MAML2: variants seen among roughly 807,000 people sequenced by gnomAD.
MAML2 encodes the protein mastermind-like protein 2.
Under a neutral mutation model 96.1 loss-of-function variants are expected in MAML2, and 22 were observed. That is an observed-to-expected ratio of 0.23 (90% CI 0.16 to 0.33). The LOEUF is 0.33. Among genes scored for constraint, MAML2 ranks in the 10% least tolerant of loss-of-function variants. The pLI is 1.00. For synonymous variants in MAML2, 561 were observed against 521.3 expected (o/e 1.08, Z -1.04); for missense variants, 1,367 against 1,392.4 (o/e 0.98, Z 0.29).
At position 96,230,301 on chromosome 11, in the gene MAML2, T is replaced by G. The variant is rs149231046; in HGVS notation, c.513+111082A>C. ...ATTCATTAATACCTCTTTCAAAGATTTATATGTTTTGCTCATTCAAATATT... is the reference window on the plus strand; with the variant it reads ...ATTCATTAATACCTCTTTCAAAGATGTATATGTTTTGCTCATTCAAATATT... On this transcript the variant is annotated intron_variant, in intron 1 of 4. Coordinates refer to ENST00000524717, the MANE Select transcript of MAML2 (RefSeq NM_032427.4). Among the ~76,000 whole-genome samples, 919 of 152,364 alleles carry G rather than the reference T, an allele frequency of 6.0e-3. 10 individuals are homozygous for G. The highest frequency in any genetic ancestry group is 0.017 in the Middle Eastern group (5 of 294).
intron 2 of MAML2, among the ~76,000 whole-genome samples, chr11:96,071,617 C>T (rs187322612): frequency 1.3e-5 from 2 of 152,302 alleles, no homozygotes; most frequent in African/African-American, 4.8e-5. Flanking sequence ...TGAGAAGGTG[C>T]AGTAGAAAGG....
intron 1 of MAML2, among the ~76,000 whole-genome samples, chr11:96,181,666 T>C (rs1333193968): frequency 6.6e-6 from 1 of 152,168 alleles, no homozygotes; most frequent in Non-Finnish European, 1.5e-5. Flanking sequence ...TGGTCATTAA[T>C]AGTCAACACT....
intron 2 of MAML2, among the ~76,000 whole-genome samples, chr11:96,071,239 A>C (rs1859340388): frequency 6.6e-6 from 1 of 152,292 alleles, no homozygotes; most frequent in Admixed American, 6.5e-5. Context: ...TGGTATAAAC[A>C]GGGTGCTTCA....
chr11:96,171,431 G>A (rs568749923), intron 1 of MAML2, among the ~76,000 whole-genome samples: 10 of 151,996 alleles, frequency 6.6e-5, no homozygotes, highest in South Asian at 2.1e-4. Context: ...TCATTTTTCC[G>A]ACCTTCCCAC....
chr11:96,266,558 G>A (rs1290321104), intron 1 of MAML2, among the ~76,000 whole-genome samples: 6 of 151,108 alleles, frequency 4.0e-5, no homozygotes, highest in Non-Finnish European at 4.4e-5. Context: ...GCAACAGAGT[G>A]AGACTCCGTC....
intron 2 of MAML2, among the ~76,000 whole-genome samples, chr11:96,085,484 A>C (rs1269929438): frequency 6.6e-6 from 1 of 152,228 alleles, no homozygotes; most frequent in African/African-American, 2.4e-5. Flanking sequence ...TCTGATTAGA[A>C]AAGGCAAAAC....
At chr11:96,300,887 T>C (rs1400343315) in intron 1 of MAML2, among the ~76,000 whole-genome samples, 1 of 152,200 alleles carries the variant, frequency 6.6e-6, no homozygotes, top group African/African-American at 2.4e-5. Flanking sequence ...GGATTGGCTA[T>C]TGACTCCGGA....
chr11:96,323,396 C>A (rs532409020), intron 1 of MAML2, among the ~76,000 whole-genome samples: 10 of 151,522 alleles, frequency 6.6e-5, no homozygotes, highest in Non-Finnish European at 1.2e-4. Flanking sequence ...TTTAGAATTT[C>A]CATGTAAGAG....
chr11:96,007,359 A>G (rs896354476), intron 2 of MAML2, among the ~76,000 whole-genome samples: 2 of 152,092 alleles, frequency 1.3e-5, no homozygotes, highest in African/African-American at 4.8e-5. Context: ...GATTTCTAGT[A>G]TATCTTTGGG....
Position 96,027,769 on chromosome 11 carries a change from C to A in MAML2, c.2140-36046G>T, listed in dbSNP as rs188132211. Among the ~76,000 whole-genome samples, 354 of 152,188 alleles carry A rather than the reference C, an allele frequency of 2.3e-3. 3 individuals are homozygous for A. Among genetic ancestry groups the A allele is most frequent in the African/African-American group, 8.1e-3 (335 of 41,516 alleles). On this transcript the variant is annotated intron_variant, in intron 2 of 4. Coordinates refer to ENST00000524717, the MANE Select transcript of MAML2 (RefSeq NM_032427.4). ...CTTTTTGAGACAGTGTCTCATTCTG[C>A]CACTCAGGCTGGAGTGCAGTGGCAT...
chr11:96,119,716 C>T (rs1349471850), intron 1 of MAML2, among the ~76,000 whole-genome samples: 1 of 152,178 alleles, frequency 6.6e-6, no homozygotes, highest in Non-Finnish European at 1.5e-5. Context: ...CTTAGAGCTA[C>T]TGTATTTCCT....
At chr11:96,150,391 G>A (rs1156596869) in intron 1 of MAML2, among the ~76,000 whole-genome samples, 1 of 152,198 alleles carries the variant, frequency 6.6e-6, no homozygotes, top group Admixed American at 6.5e-5. Flanking sequence ...AGCAGGGAGT[G>A]GGTTAGGGTG....
At chr11:96,087,895 A>C (rs965182489) in intron 2 of MAML2, among the ~76,000 whole-genome samples, 1 of 152,186 alleles carries the variant, frequency 6.6e-6, no homozygotes, top group African/African-American at 2.4e-5. Context: ...TTTCCAGCTG[A>C]TACAAGATTT....
In MAML2 at chr11:96,123,303, CT is replaced by C. The variant is rs112366508; in HGVS notation, c.514-29787del. On this transcript the variant is annotated intron_variant, in intron 1 of 4. Transcript: ENST00000524717. ...GGTGTGCTTGAGAGACATTTACAGT[CT>C]TTTTTTTTTTTCACGTATCTGCCTG... is the stretch of plus-strand genomic sequence containing the variant. 3.2e-3 allele frequency among the ~76,000 whole-genome samples: 465 copies of C among 146,986 alleles called. 1 individual carries two copies. The highest frequency in any genetic ancestry group is 3.6e-3 in the Non-Finnish European group (237 of 66,384).
intron 1 of MAML2, among the ~76,000 whole-genome samples, chr11:96,333,901 AT>A (rs1250309108): frequency 2.0e-5 from 3 of 152,172 alleles, no homozygotes; most frequent in Non-Finnish European, 4.4e-5. Flanking sequence ...GATGGTTTAA[AT>A]TTCTCATTTA....
chr11:96,123,447 G>A lies in MAML2; in HGVS notation c.514-29930C>T, dbSNP rs969164627. ...AGCCCAGTAATGCTTGTTGAATAAA[G>A]GGGCTGGCAATTTACCATTTGCCTT... On this transcript the variant is annotated intron_variant, in intron 1 of 4. Coordinates refer to ENST00000524717, the MANE Select transcript of MAML2 (RefSeq NM_032427.4). Among the ~76,000 whole-genome samples the A allele has an allele frequency of 3.3e-5, 5 of 152,180 alleles. No individual in the cohort carries two copies. In the East Asian group the frequency reaches 9.6e-4, roughly 29 times the overall value.
intron 2 of MAML2, among the ~76,000 whole-genome samples, chr11:96,040,262 T>C (rs1332174367): frequency 6.6e-6 from 1 of 152,176 alleles, no homozygotes; most frequent in Non-Finnish European, 1.5e-5. Flanking sequence ...TTATAGTACA[T>C]ATTAGAAGAT....
At chr11:96,102,211 G>A (rs980449648) in intron 1 of MAML2, among the ~76,000 whole-genome samples, 2 of 152,226 alleles carry the variant, frequency 1.3e-5, no homozygotes, top group Non-Finnish European at 2.9e-5. Flanking sequence ...GGGAGGCGGA[G>A]CTTGCAGTGA....
intron 1 of MAML2, among the ~76,000 whole-genome samples, chr11:96,247,679 G>C (rs561425463): frequency 8.2e-4 from 125 of 152,184 alleles, no homozygotes; most frequent in African/African-American, 2.9e-3. Flanking sequence ...TGGGCCAATG[G>C]TGCTATACCC....
Sources: gnomAD v4.1 joint callset for allele counts (sites outside exome capture counted in the v4.1 genomes callset) on GRCh38, gnomAD v4.1.1 for gene constraint, MANE v1.5 for transcripts, NCBI Gene and HGNC (gene_info 2026-07-23, HGNC 2026-07-21) for gene names.